Variants in STK4 observed in about 807,000 individuals in gnomAD.
STK4 encodes the protein serine/threonine-protein kinase 4.
A neutral mutation model predicts 64.9 loss-of-function variants in STK4; 30 were observed. That is an observed-to-expected ratio of 0.46 (90% CI 0.35 to 0.63). The LOEUF is 0.63. STK4 is among the 20% of genes least tolerant of loss of function. STK4 has a pLI of 0.01. For missense variants in STK4, 466 were observed against 598.5 expected (o/e 0.78, Z 2.31); for synonymous variants, 177 against 199.0 (o/e 0.89, Z 0.93).
At chr20:45,074,770 G>A (rs1035474696) in intron 10 of STK4, among the ~76,000 whole-genome samples, 4 of 152,090 alleles carry the variant, frequency 2.6e-5, no homozygotes, top group Admixed American at 6.5e-5. Flanking sequence ...CTTGGTCAAG[G>A]CACATTAAAT....
intron 10 of STK4, among the ~76,000 whole-genome samples, chr20:45,069,066 C>G (rs565511805): frequency 2.0e-5 from 3 of 152,226 alleles, no homozygotes; most frequent in Non-Finnish European, 4.4e-5. Context: ...CCTCATCAGA[C>G]TGGGTAAAGG....
At chr20:45,066,760 T>A (rs1372803472) in intron 10 of STK4, among the ~76,000 whole-genome samples, 1 of 152,212 alleles carries the variant, frequency 6.6e-6, no homozygotes, top group African/African-American at 2.4e-5. Flanking sequence ...TGGAGAAGAA[T>A]TAGGAAGACT....
At chr20:45,017,704 C>T (rs1209739772) in intron 9 of STK4, among the ~76,000 whole-genome samples, 3 of 152,188 alleles carry the variant, frequency 2.0e-5, no homozygotes, top group Admixed American at 6.5e-5. Flanking sequence ...CTTGCAAGAA[C>T]CAAGATGTGG....
chr20:45,000,628 A>G (rs994294853), intron 8 of STK4, 108 bp downstream of exon 8: 2 of 1,482,866 alleles, frequency 1.3e-6, no homozygotes, highest in African/African-American at 2.8e-5. Flanking sequence ...GGAGCTGGAG[A>G]TGCTTCCAGC....
chr20:44,967,151 A>G, intron 1 of STK4: 1 of 985,332 alleles, frequency 1.0e-6, no homozygotes, highest in Non-Finnish European at 1.2e-6. Context: ...GGAGGGTAGC[A>G]TTTCAGAGGA....
intron 10 of STK4, among the ~76,000 whole-genome samples, chr20:45,060,020 T>C (rs1293989148): frequency 3.3e-5 from 5 of 152,226 alleles, no homozygotes; most frequent in African/African-American, 1.2e-4. Context: ...TCTATTTCTT[T>C]ATTAAATATT....
At chr20:44,995,321 T>C in intron 6 of STK4, 64 bp downstream of exon 6, 1 of 1,534,042 alleles carries the variant, frequency 6.5e-7, no homozygotes, top group East Asian at 2.4e-5. Context: ...AAAGTGAAGT[T>C]CAAGCCAGGT....
rs1320091437 is a variant in STK4 at position 45,078,104 on chromosome 20, G to A, written c.*2928G>A. On this transcript the variant is annotated 3_prime_UTR_variant, in exon 11 of 11. Transcript: ENST00000372806. ...TATTGCTTGAGCATTTGGAACTCGA[G>A]CTTCCAGAGAAATTTGAGGTCCTCG... 1.3e-5 allele frequency: 2 copies of A among 151,840 alleles called. No individual in the cohort carries two copies. The highest frequency in any genetic ancestry group is 2.9e-5 in the Non-Finnish European group (2 of 68,010). 9.4% of individuals were successfully genotyped at this position (151,840 alleles called of 1,614,324 possible).
intron 10 of STK4, among the ~76,000 whole-genome samples, chr20:45,059,761 A>G (rs987479632): frequency 5.3e-5 from 8 of 152,362 alleles, no homozygotes; most frequent in Admixed American, 5.2e-4. Flanking sequence ...AATCATAAGC[A>G]ACCAGGACTA....
At chr20:45,008,753 T>A (rs914709128) in intron 9 of STK4, among the ~76,000 whole-genome samples, 3 of 152,216 alleles carry the variant, frequency 2.0e-5, no homozygotes, top group Admixed American at 6.5e-5. Flanking sequence ...AGATATCTCA[T>A]TGTGGTTTGG....
intron 5 of STK4, among the ~76,000 whole-genome samples, chr20:44,987,948 A>T (rs2067559356): frequency 6.6e-6 from 1 of 151,908 alleles, no homozygotes. Context: ...GTGTGTGTTT[A>T]GAACTGGTGT....
intron 7 of STK4, 63 bp from the exon 8 acceptor site, chr20:45,000,329 G>T: frequency 6.4e-7 from 1 of 1,556,882 alleles, no homozygotes; most frequent in East Asian, 2.3e-5. Context: ...CTGTGTTCCA[G>T]GTACTGTTTT....
intron 9 of STK4, among the ~76,000 whole-genome samples, chr20:45,021,374 A>G (rs939904594): frequency 6.6e-6 from 1 of 152,252 alleles, no homozygotes; most frequent in Non-Finnish European, 1.5e-5. Context: ...CAATGTAATG[A>G]CAGTGTTATT....
chr20:45,042,944 A>G (rs1049536829), intron 10 of STK4, among the ~76,000 whole-genome samples: 2 of 151,820 alleles, frequency 1.3e-5, no homozygotes, highest in Non-Finnish European at 2.9e-5. Flanking sequence ...AGATCATGCC[A>G]TCACTTAGGT....
At chr20:44,986,512 CTT>C (rs148065074) in intron 4 of STK4, among the ~76,000 whole-genome samples, 3,825 of 152,278 alleles carry the variant, frequency 0.025, 140 homozygotes, top group African/African-American at 0.082. Flanking sequence ...TAAGGACTGA[CTT>C]TTATTTTAAG....
At chr20:44,995,042 CTCAGTAGTTTTAAGCTTAGTG>C (rs780784906) in intron 5 of STK4, 27 bp from the exon 6 acceptor site, 6 of 1,384,524 alleles carry the variant, frequency 4.3e-6, no homozygotes, top group Non-Finnish European at 3.9e-6. Context: ...CTGTGGACAT[CTCAGTAGTTTTAAGCTTAGTG>C]TCAGTCTCTC....
At chr20:45,043,824 C>A (rs1413161290) in intron 10 of STK4, among the ~76,000 whole-genome samples, 4 of 152,202 alleles carry the variant, frequency 2.6e-5, no homozygotes, top group African/African-American at 9.7e-5. Flanking sequence ...CCTGTAGTCA[C>A]TTCATAAATG....
In STK4 at chr20:44,997,183, T is replaced by A; in HGVS notation, c.708T>A (p.Ile236=). The change falls in exon 7 of 11, where the codon ATT becomes ATA. Residue 236 remains isoleucine, a synonymous_variant. Transcript: ENST00000372806. Reference sequence around the variant, plus strand: ...GTTCTAACCAGGCAATCTTCATGATTCCTACAAATCCTCCTCCCACATTCC... The same window carrying A: ...GTTCTAACCAGGCAATCTTCATGATACCTACAAATCCTCCTCCCACATTCC... ...DIHPMRAIFM[I]PTNPPPTFRK... 1.2e-6 allele frequency: 2 copies of A among 1,613,990 alleles called. No individual in the cohort carries two copies. The highest frequency in any genetic ancestry group is 1.7e-6 in the Non-Finnish European group (2 of 1,179,876).
chr20:45,059,048 C>G (rs929286230), intron 10 of STK4, among the ~76,000 whole-genome samples: 4 of 152,166 alleles, frequency 2.6e-5, no homozygotes, highest in African/African-American at 9.7e-5. Flanking sequence ...CAAGACCCCC[C>G]ACTGGACACC....
Sources: allele counts gnomAD v4.1 joint callset (sites outside exome capture counted in the v4.1 genomes callset), GRCh38; gene constraint gnomAD v4.1.1; transcripts MANE v1.5; gene names NCBI Gene and HGNC (gene_info 2026-07-23, HGNC 2026-07-21).